The following SORCS2 variants were observed in gnomAD, a reference collection of about 807,000 sequenced individuals.
SORCS2 encodes the protein VPS10 domain-containing receptor SorCS2.
SORCS2 carries 100 observed loss-of-function variants against 141.6 expected under a neutral mutation model. That is an observed-to-expected ratio of 0.71 (90% CI 0.60 to 0.83). The LOEUF (loss-of-function observed/expected upper bound fraction) is 0.83, where lower values mean the gene tolerates loss of function less well. Ranked by LOEUF, SORCS2 falls within the 40% of genes least tolerant of loss-of-function variation. SORCS2 has a pLI of 0.00. For missense variants in SORCS2, 1,646 were observed against 1,560.2 expected (o/e 1.05, Z -0.93); for synonymous variants, 789 against 676.9 (o/e 1.17, Z -2.57).
At chr4:7,453,890 A>T (rs1218379956) in intron 2 of SORCS2, among the ~76,000 whole-genome samples, 1 of 81,270 alleles carries the variant, frequency 1.2e-5, no homozygotes, top group East Asian at 3.9e-4. Flanking sequence ...TGGGGTCAGG[A>T]GGTGTGTGTT....
At chr4:7,601,597 C>T (rs1034595940) in intron 3 of SORCS2, among the ~76,000 whole-genome samples, 35 of 109,082 alleles carry the variant, frequency 3.2e-4, no homozygotes, top group African/African-American at 1.3e-3. Flanking sequence ...CTAGCCTGGG[C>T]GACAAAGCAA....
intron 3 of SORCS2, among the ~76,000 whole-genome samples, chr4:7,557,004 TATCCATCCATCTGTCCACTC>T (rs1714182877): frequency 1.3e-5 from 2 of 148,680 alleles, no homozygotes; most frequent in Non-Finnish European, 3.0e-5. Context: ...TCTATCCATT[TATCCATCCATCTGTCCACTC>T]ATCCATCCAT....
At chr4:7,556,914 TCCACCCAC>T (rs930034247) in intron 3 of SORCS2, among the ~76,000 whole-genome samples, 1 of 143,328 alleles carries the variant, frequency 7.0e-6, no homozygotes, top group Admixed American at 6.9e-5. Flanking sequence ...CATCCATCCA[TCCACCCAC>T]CCACCCACCC....
intron 3 of SORCS2, among the ~76,000 whole-genome samples, chr4:7,624,425 A>T (rs1719395763): frequency 6.6e-6 from 1 of 152,256 alleles, no homozygotes; most frequent in African/African-American, 2.4e-5. Flanking sequence ...GAAAACATTA[A>T]GAATGGCTTC....
chr4:7,687,082 G>A (rs190849651), intron 10 of SORCS2, among the ~76,000 whole-genome samples: 12 of 152,326 alleles, frequency 7.9e-5, no homozygotes, highest in African/African-American at 2.6e-4. Context: ...CAAGTGACCA[G>A]ATGTGCACAG....
At chr4:7,604,024 TGTG>T (rs1465840781) in intron 3 of SORCS2, among the ~76,000 whole-genome samples, 1 of 152,178 alleles carries the variant, frequency 6.6e-6, no homozygotes, top group East Asian at 1.9e-4. Context: ...TGTTGTGTGT[TGTG>T]TGTGACTTGT....
intron 1 of SORCS2, among the ~76,000 whole-genome samples, chr4:7,356,882 G>T (rs947706676): frequency 5.9e-5 from 9 of 152,228 alleles, no homozygotes; most frequent in African/African-American, 1.9e-4. Flanking sequence ...GCTGGCTGGG[G>T]CCAGGCTTGT....
At chr4:7,511,483 G>C (rs961690762) in intron 2 of SORCS2, among the ~76,000 whole-genome samples, 3 of 151,676 alleles carry the variant, frequency 2.0e-5, no homozygotes, top group Admixed American at 1.3e-4. Context: ...TTGGGGGAGG[G>C]GGGGTGGAGA....
chr4:7,473,825 T>C (rs1267824649), intron 2 of SORCS2, among the ~76,000 whole-genome samples: 1 of 152,104 alleles, frequency 6.6e-6, no homozygotes, highest in African/African-American at 2.4e-5. Context: ...CTAGGCAGGA[T>C]TGAAGAGGCC....
intron 14 of SORCS2, among the ~76,000 whole-genome samples, chr4:7,705,169 G>C (rs2109019540): frequency 1.3e-5 from 2 of 152,282 alleles, no homozygotes; most frequent in South Asian, 4.1e-4. Flanking sequence ...AGGCCTTGGG[G>C]GAGGAGGCCG....
chr4:7,387,752 A>C (rs1225353883), intron 1 of SORCS2, among the ~76,000 whole-genome samples: 1 of 150,938 alleles, frequency 6.6e-6, no homozygotes, highest in Non-Finnish European at 1.5e-5. Flanking sequence ...GCACACACAG[A>C]TACACAGAAA....
chr4:7,694,094 T>C (rs1577081859), intron 11 of SORCS2, among the ~76,000 whole-genome samples: 1 of 151,662 alleles, frequency 6.6e-6, no homozygotes, highest in African/African-American at 2.4e-5. Context: ...GTGGGTGGGG[T>C]AGATTTTGGT....
At position 7,661,500 on chromosome 4, in the gene SORCS2, G is replaced by A. The variant is rs749077261; in HGVS notation, c.888G>A (p.Trp296Ter). Residue 296 changes from tryptophan (W) to a stop codon, truncating the protein, a stop_gained and splice_region_variant, in exon 6 of 27, where the codon TGG (tryptophan) becomes TGA (stop). Transcript: ENST00000507866. LOFTEE classifies it high-confidence loss of function. ...CCCAGCCTCAGCTCTTCTTTTCCAG[G>A]TCTGTGTCTGGGGTGGACGCTGACC... ...QERVTKDHVFWSVSGVDADPD... is the reference protein window; with the variant it reads ...QERVTKDHVF The A allele has an allele frequency of 1.9e-6, 3 of 1,551,568 alleles. No homozygotes were observed. The highest frequency in any genetic ancestry group is 4.9e-5 in the East Asian group (2 of 40,924).
At chr4:7,373,446 T>C (rs1461938193) in intron 1 of SORCS2, among the ~76,000 whole-genome samples, 1 of 131,268 alleles carries the variant, frequency 7.6e-6, no homozygotes, top group Non-Finnish European at 1.6e-5. Flanking sequence ...TGTATTGAAT[T>C]GTGAGAAACT....
At position 7,664,870 on chromosome 4, in the gene SORCS2, G is replaced by A. The variant is rs1015676686; in HGVS notation, c.1071+399G>A. ...CTGTGACCAGGACTCTGCTGCCTGT[G>A]CCCTCAGGTCACAAGTGGGCCCACC... On this transcript the variant is annotated intron_variant, in intron 7 of 26. Transcript: ENST00000507866. The surrounding 1 kb of genome is among the most constrained non-coding windows in gnomAD (Gnocchi z 4.7). Among the ~76,000 whole-genome samples the A allele has an allele frequency of 1.3e-5, 2 of 152,198 alleles. No homozygotes were observed. The highest frequency in any genetic ancestry group is 4.8e-5 in the African/African-American group (2 of 41,452).
chr4:7,463,303 C>A (rs1042992237), intron 2 of SORCS2, among the ~76,000 whole-genome samples: 1 of 152,142 alleles, frequency 6.6e-6, no homozygotes, highest in South Asian at 2.1e-4. Flanking sequence ...TGGTATCAGA[C>A]CCGGCTTTGA....
At chr4:7,533,254 C>T (rs1015259689) in intron 3 of SORCS2, among the ~76,000 whole-genome samples, 4 of 152,188 alleles carry the variant, frequency 2.6e-5, no homozygotes, top group Non-Finnish European at 4.4e-5. Context: ...CCTGTACCTG[C>T]TGGAAAACCC....
intron 1 of SORCS2, among the ~76,000 whole-genome samples, chr4:7,292,663 G>A (rs1716689207): frequency 6.6e-6 from 1 of 152,178 alleles, no homozygotes; most frequent in Admixed American, 6.5e-5. Flanking sequence ...AGGTTCAAGG[G>A]GGTTTGGTGA....
chr4:7,621,791 T>C (rs1719211382), intron 3 of SORCS2, among the ~76,000 whole-genome samples: 1 of 152,218 alleles, frequency 6.6e-6, no homozygotes, highest in Admixed American at 6.5e-5. Flanking sequence ...CGGCTCTGTC[T>C]GAGACAGGCG....
Sources: allele counts gnomAD v4.1 joint callset (sites outside exome capture counted in the v4.1 genomes callset), GRCh38; gene constraint gnomAD v4.1.1; non-coding constraint Gnocchi (gnomAD v3.1); transcripts MANE v1.5; gene names NCBI Gene and HGNC (gene_info 2026-07-23, HGNC 2026-07-21).